The following ARHGAP32 variants were observed in gnomAD, a reference collection of about 807,000 sequenced individuals.
ARHGAP32 encodes Rho GTPase activating protein 32, also known as rho GTPase-activating protein 32.
In ARHGAP32, 51 loss-of-function variants were observed where a neutral mutation model predicts 186.5. That is an observed-to-expected ratio of 0.27 (90% confidence interval 0.22 to 0.35). The LOEUF (loss-of-function observed/expected upper bound fraction) is 0.35, where lower values mean the gene tolerates loss of function less well. ARHGAP32 is among the 10% of genes least tolerant of loss of function. The pLI is 1.00. For synonymous variants in ARHGAP32, 950 were observed against 964.3 expected (o/e 0.99, Z 0.27); for missense variants, 2,186 against 2,623.5 (o/e 0.83, Z 3.64).
chr11:129,276,168 G>A (rs1945526900), intron 1 of ARHGAP32, among the ~76,000 whole-genome samples: 1 of 152,216 alleles, frequency 6.6e-6, no homozygotes, highest in Admixed American at 6.5e-5. Flanking sequence ...AATTTGATCT[G>A]TCTCCAAGTA....
intron 10 of ARHGAP32, among the ~76,000 whole-genome samples, chr11:129,054,426 C>A (rs1940171430): frequency 6.6e-6 from 1 of 152,170 alleles, no homozygotes; most frequent in African/African-American, 2.4e-5. Flanking sequence ...TGTTAAAATT[C>A]AGACTCCTGA....
At chr11:129,024,322 T>A in intron 11 of ARHGAP32, 1 of 207,566 alleles carries the variant, frequency 4.8e-6, no homozygotes, top group Non-Finnish European at 8.4e-6. Context: ...AAATTGATAT[T>A]AAATTATGTC....
intron 5 of ARHGAP32, among the ~76,000 whole-genome samples, chr11:129,121,015 T>C (rs530252573): frequency 6.6e-6 from 1 of 152,216 alleles, no homozygotes; most frequent in Admixed American, 6.5e-5. Context: ...AAATAAAGGA[T>C]TCATTTCCCA....
chr11:129,015,509 G>T (rs544309337), intron 11 of ARHGAP32, among the ~76,000 whole-genome samples: 1 of 152,080 alleles, frequency 6.6e-6, no homozygotes, highest in Non-Finnish European at 1.5e-5. Flanking sequence ...AAGTATAAAA[G>T]ATAGAGCTGA....
chr11:129,067,122 T>C (rs1940719582), intron 6 of ARHGAP32, among the ~76,000 whole-genome samples: 1 of 152,032 alleles, frequency 6.6e-6, no homozygotes, highest in Non-Finnish European at 1.5e-5. Context: ...ATCCACTGCC[T>C]CACTTTCAGA....
chr11:129,164,180 T>A (rs1646314309), intron 2 of ARHGAP32, 139 bp downstream of exon 2: 1 of 587,464 alleles, frequency 1.7e-6, no homozygotes, highest in South Asian at 2.3e-5. Flanking sequence ...TATACAGTAT[T>A]CACTCAATAA....
At chr11:129,005,701 A>C (rs588363) in intron 11 of ARHGAP32, among the ~76,000 whole-genome samples, 52,951 of 151,924 alleles carry the variant, frequency 0.35, 9,487 homozygotes, top group Non-Finnish European at 0.39. Context: ...CTTTGGCAGT[A>C]TTATTATTAA....
At chr11:129,040,509 A>G (rs923164263) in intron 11 of ARHGAP32, among the ~76,000 whole-genome samples, 1 of 152,206 alleles carries the variant, frequency 6.6e-6, no homozygotes, top group African/African-American at 2.4e-5. Context: ...TATACTGTAT[A>G]AGTAATAAGA....
At chr11:129,112,530 A>G (rs1942253025) in intron 5 of ARHGAP32, among the ~76,000 whole-genome samples, 1 of 152,044 alleles carries the variant, frequency 6.6e-6, no homozygotes, top group Non-Finnish European at 1.5e-5. Flanking sequence ...CCAAAAATTC[A>G]AATATTTGGC....
chr11:128,993,347 C>T (rs918302944), intron 12 of ARHGAP32: 1 of 152,006 alleles, frequency 6.6e-6, no homozygotes, highest in Non-Finnish European at 1.5e-5. Flanking sequence ...GCACATAAAA[C>T]GTAATTTTGA....
rs1440401126 is a variant in ARHGAP32 at position 129,159,807 on chromosome 11, A to G, written c.225+4512T>C. 2.6e-5 allele frequency among the ~76,000 whole-genome samples: 4 copies of G among 152,226 alleles called. No individual in the cohort carries two copies. In the South Asian group the frequency reaches 8.3e-4, roughly 32 times the overall value. On this transcript the variant is annotated intron_variant, in intron 2 of 22. Coordinates refer to ENST00000682385, the MANE Select transcript of ARHGAP32 (RefSeq NM_001378024.1). Reference sequence around the variant, plus strand: ...AGGCCAATATCCCTGATGAACATCAATGTGAAAATCCTCAATAAAATACTG... The same window carrying G: ...AGGCCAATATCCCTGATGAACATCAGTGTGAAAATCCTCAATAAAATACTG...
intron 5 of ARHGAP32, among the ~76,000 whole-genome samples, chr11:129,105,449 C>G (rs145489682): frequency 2.0e-5 from 3 of 152,250 alleles, no homozygotes; most frequent in Non-Finnish European, 2.9e-5. Flanking sequence ...AGAAGCAACA[C>G]GTAAAGACCG....
chr11:129,184,416 A>G lies in ARHGAP32; in HGVS notation c.116+7667T>C, dbSNP rs144326722. Among the ~76,000 whole-genome samples, 987 of 152,268 alleles carry G rather than the reference A, an allele frequency of 6.5e-3. 12 individuals carry two copies. Among genetic ancestry groups the G allele is most frequent in the African/African-American group, 0.023 (943 of 41,566 alleles). ...CTCAAAAAGAAAGAAAATAACCTAA[A>G]TTTATTATAAAAATACCTTGTGTGT... On this transcript the variant is annotated intron_variant, in intron 1 of 22. Transcript: ENST00000682385.
At chr11:129,115,443 A>C (rs1020652739) in intron 5 of ARHGAP32, among the ~76,000 whole-genome samples, 4 of 152,128 alleles carry the variant, frequency 2.6e-5, no homozygotes, top group African/African-American at 9.6e-5. Context: ...CAGAATGGGA[A>C]TAGAGCACTG....
chr11:129,100,596 C>T (rs953709981), intron 5 of ARHGAP32, among the ~76,000 whole-genome samples: 6 of 152,144 alleles, frequency 3.9e-5, no homozygotes, highest in Non-Finnish European at 5.9e-5. Context: ...ATCCACCCTA[C>T]CTCCACCTGC....
chr11:128,969,233 G>A lies in ARHGAP32; in HGVS notation c.5980C>T (p.Pro1994Ser). 1 of 1,614,106 alleles carries A rather than the reference G, an allele frequency of 6.2e-7. No homozygotes were observed. Among genetic ancestry groups the A allele is most frequent in the Non-Finnish European group, 8.5e-7 (1 of 1,179,978 alleles). Residue 1994 changes from proline (P) to serine (S), a missense_variant, in exon 23 of 23, where the codon CCC becomes TCC. This residue lies in a region of ARHGAP32 where 1,502 missense variants were observed against 1,570.0 expected (regional missense o/e 0.96). Coordinates refer to ENST00000682385, the MANE Select transcript of ARHGAP32 (RefSeq NM_001378024.1). The surrounding 1 kb of genome is among the most constrained non-coding windows in gnomAD (Gnocchi z 4.8). ...CTATGACTCCTCTCTGGTTTAGGGG[G>A]TGGGACGATTGACTGAGTGAGGTGT... ...EEHLTQSIVP[P>S]PKPERSHSLK...
rs1317773139 is a variant in ARHGAP32, at chr11:129,266,979, T to TGG, written c.-5+12165_-5+12166dup. ...AAAGAATGGCCAAAGAGCTGCTGTT[T>TGG]GGAGGGTGTACAGGCTGGAGTTCCA... is the stretch of plus-strand genomic sequence containing the variant. On this transcript the variant is annotated intron_variant, in intron 1 of 6. Transcript: ENST00000525234. 2.0e-5 allele frequency among the ~76,000 whole-genome samples: 3 copies of TGG among 152,274 alleles called. No homozygotes were observed. The East Asian group carries it at 5.8e-4, about 29-fold the overall frequency.
chr11:129,235,760 G>A (rs1427994296), intron 1 of ARHGAP32, among the ~76,000 whole-genome samples: 3 of 151,948 alleles, frequency 2.0e-5, no homozygotes, highest in African/African-American at 7.3e-5. Flanking sequence ...TCATTCTTAT[G>A]CCTTTACATC....
At chr11:129,264,420 A>G (rs1201886731) in intron 1 of ARHGAP32, among the ~76,000 whole-genome samples, 2 of 152,248 alleles carry the variant, frequency 1.3e-5, no homozygotes, top group African/African-American at 4.8e-5. Flanking sequence ...AAATATCACT[A>G]TAAGTAACTA....
Sources: gnomAD v4.1 joint callset for allele counts (sites outside exome capture counted in the v4.1 genomes callset) on GRCh38, gnomAD v4.1.1 for gene constraint, gnomAD v4.1.1 regional missense constraint, Gnocchi (gnomAD v3.1) non-coding constraint, MANE v1.5 for transcripts, NCBI Gene and HGNC (gene_info 2026-07-23, HGNC 2026-07-21) for gene names.